The following SSBP2 variants were observed in gnomAD, a reference collection of about 807,000 sequenced individuals.
The protein encoded by SSBP2 is single-stranded DNA-binding protein 2.
Under a neutral mutation model 61.8 loss-of-function variants are expected in SSBP2, and 17 were observed. The ratio of observed to expected loss-of-function variants is 0.28; its 90% CI spans 0.19 to 0.41. The LOEUF is 0.41. Ranked by LOEUF, SSBP2 falls within the 10% of genes least tolerant of loss-of-function variation. The pLI, the probability that SSBP2 is intolerant of heterozygous loss-of-function variation, is 1.00. For missense variants in SSBP2, 310 were observed against 458.7 expected, an observed-to-expected ratio of 0.68 and a Z score of 2.96; for synonymous variants, 139 against 141.3, an observed-to-expected ratio of 0.98 and a Z score of 0.12.
chr5:81,544,097 T>G (rs888997624), intron 4 of SSBP2, among the ~76,000 whole-genome samples: 2 of 152,212 alleles, frequency 1.3e-5, no homozygotes, highest in Non-Finnish European at 2.9e-5. Flanking sequence ...TGGCCCAGGC[T>G]GGAGTGCAGT....
intron 1 of SSBP2, among the ~76,000 whole-genome samples, chr5:81,724,207 T>A (rs992002302): frequency 5.9e-5 from 9 of 152,084 alleles, no homozygotes; most frequent in Non-Finnish European, 1.2e-4. Context: ...TTTACTGTGG[T>A]TGCACTGAAT....
intron 1 of SSBP2, among the ~76,000 whole-genome samples, chr5:81,656,726 C>CAAA (rs201044035): frequency 7.6e-6 from 1 of 132,012 alleles, no homozygotes. Context: ...TAAGTAACTC[C>CAAA]AAAAAAAAAA....
intron 4 of SSBP2, among the ~76,000 whole-genome samples, chr5:81,517,189 A>G (rs571115673): frequency 2.0e-5 from 3 of 152,200 alleles, no homozygotes; most frequent in African/African-American, 7.2e-5. Flanking sequence ...ATGGGTTTAC[A>G]GTATTTCCTC....
chr5:81,463,496 T>C (rs1047266629), intron 9 of SSBP2, among the ~76,000 whole-genome samples: 1 of 152,100 alleles, frequency 6.6e-6, no homozygotes, highest in African/African-American at 2.4e-5. Flanking sequence ...GCTCAGGAGT[T>C]GAAGGCCATT....
intron 6 of SSBP2, among the ~76,000 whole-genome samples, chr5:81,483,056 G>A (rs1481758619): frequency 3.9e-5 from 6 of 152,174 alleles, no homozygotes; most frequent in African/African-American, 1.4e-4. Flanking sequence ...TGGCTGGTCG[G>A]TGGAGCAGTC....
At chr5:81,488,767 C>A (rs1580813824) in intron 6 of SSBP2, among the ~76,000 whole-genome samples, 1 of 145,482 alleles carries the variant, frequency 6.9e-6, no homozygotes. Context: ...TGTGTTCTCA[C>A]TGTTCAATTT....
At chr5:81,491,155 T>C (rs924343476) in intron 5 of SSBP2, among the ~76,000 whole-genome samples, 2 of 152,194 alleles carry the variant, frequency 1.3e-5, no homozygotes, top group African/African-American at 4.8e-5. Context: ...AAATATTGTG[T>C]CATTGGTTTT....
intron 1 of SSBP2, among the ~76,000 whole-genome samples, chr5:81,684,475 T>C (rs1024173971): frequency 6.6e-6 from 1 of 151,988 alleles, no homozygotes; most frequent in Admixed American, 6.6e-5. Flanking sequence ...ATACAGGGTA[T>C]TTTTAGGGTA....
At chr5:81,491,432 G>A (rs1766845541) in intron 5 of SSBP2, among the ~76,000 whole-genome samples, 1 of 152,228 alleles carries the variant, frequency 6.6e-6, no homozygotes, top group South Asian at 2.1e-4. Flanking sequence ...GTAAGAAGAT[G>A]ATACAGTGTT....
chr5:81,623,941 C>T (rs1320469878), intron 3 of SSBP2, among the ~76,000 whole-genome samples: 1 of 152,106 alleles, frequency 6.6e-6, no homozygotes, highest in Non-Finnish European at 1.5e-5. Flanking sequence ...ATTGCTTATA[C>T]ATGATCTTGT....
At chr5:81,446,995 A>T in intron 11 of SSBP2, 73 bp from the exon 12 acceptor site, 2 of 1,026,628 alleles carry the variant, frequency 1.9e-6, no homozygotes, top group South Asian at 1.8e-5. Flanking sequence ...ACTTATATCT[A>T]TAATAATCCA....
intron 5 of SSBP2, among the ~76,000 whole-genome samples, chr5:81,493,209 C>A (rs1766994478): frequency 6.6e-6 from 1 of 150,882 alleles, no homozygotes; most frequent in South Asian, 2.1e-4. Context: ...TATTCAAAAA[C>A]ATATATATAT....
intron 1 of SSBP2, among the ~76,000 whole-genome samples, chr5:81,666,625 T>C: frequency 6.6e-6 from 1 of 152,184 alleles, no homozygotes; most frequent in South Asian, 2.1e-4. Flanking sequence ...AATGTTATAT[T>C]ATAAATAATT....
At chr5:81,672,789 A>G (rs827059) in intron 1 of SSBP2, among the ~76,000 whole-genome samples, 114,264 of 151,782 alleles carry the variant, frequency 0.75, 44,641 homozygotes, top group African/African-American at 0.94. Context: ...GACCAGGCTG[A>G]TCTCAAACTC....
chr5:81,722,300 A>G lies in SSBP2; in HGVS notation c.62+28681T>C, dbSNP rs922491661. Among the ~76,000 whole-genome samples, 4 of 151,602 alleles carry G rather than the reference A, an allele frequency of 2.6e-5. No homozygotes were observed. In the South Asian group the frequency reaches 6.2e-4, roughly 24 times the overall value. On this transcript the variant is annotated intron_variant, in intron 1 of 16. Coordinates refer to ENST00000320672, the MANE Select transcript of SSBP2 (RefSeq NM_012446.5). The stretch of plus-strand genomic sequence containing the variant: ...ATACTGCTAAGATAACTATACTACA[A>G]CTCTCCAAAAGTGAAATATAACTAT...
chr5:81,750,779 C>G, intron 1 of SSBP2: 1 of 599,048 alleles, frequency 1.7e-6, no homozygotes, highest in Non-Finnish European at 2.9e-6. Context: ...CAGCCCCCTG[C>G]GGCCGCCCGC....
intron 4 of SSBP2, among the ~76,000 whole-genome samples, chr5:81,569,030 G>C (rs1773651143): frequency 6.6e-6 from 1 of 152,168 alleles, no homozygotes; most frequent in South Asian, 2.1e-4. Context: ...CTAGAGCAGA[G>C]AGGACTGGGT....
intron 6 of SSBP2, among the ~76,000 whole-genome samples, chr5:81,483,764 T>TACACAC (rs531570279): frequency 1.3e-4 from 20 of 149,342 alleles, no homozygotes; most frequent in African/African-American, 4.4e-4. Context: ...CATATATATA[T>TACACAC]ACACACACAC....
At chr5:81,676,025 A>G (rs1561680729) in intron 1 of SSBP2, among the ~76,000 whole-genome samples, 1 of 152,196 alleles carries the variant, frequency 6.6e-6, no homozygotes, top group Non-Finnish European at 1.5e-5. Context: ...AAAGCTGCAG[A>G]TGTATTTATT....
Sources: gnomAD v4.1 joint callset for allele counts (sites outside exome capture counted in the v4.1 genomes callset) on GRCh38, gnomAD v4.1.1 for gene constraint, MANE v1.5 for transcripts, NCBI Gene and HGNC (gene_info 2026-07-23, HGNC 2026-07-21) for gene names.